COG6: variants seen among roughly 807,000 people sequenced by gnomAD.
COG6 encodes the protein component of oligomeric golgi complex 6.
Under a neutral mutation model 88.8 loss-of-function variants are expected in COG6, and 74 were observed. The ratio of observed to expected loss-of-function variants is 0.83; its 90% confidence interval spans 0.69 to 1.01. COG6 has a LOEUF of 1.01. Among genes scored for constraint, COG6 ranks in the 50% least tolerant of loss-of-function variants. The pLI, the probability that COG6 is intolerant of heterozygous loss-of-function variation, is 0.00. For missense variants in COG6, 800 were observed against 797.9 expected (o/e 1.00, Z -0.03); for synonymous variants, 286 against 278.7 (o/e 1.03, Z -0.26).
intron 10 of COG6, among the ~76,000 whole-genome samples, chr13:39,688,046 C>T (rs1307325024): frequency 6.6e-6 from 1 of 152,158 alleles, no homozygotes; most frequent in Non-Finnish European, 1.5e-5. Flanking sequence ...CATATCAAAC[C>T]TAGACTCCTC....
chr13:39,656,855 A>G (rs754181398), intron 1 of COG6: 10 of 455,984 alleles, frequency 2.2e-5, no homozygotes, highest in South Asian at 1.5e-4. Flanking sequence ...TAAGTTTCTC[A>G]TGGTTGTTAT....
At chr13:39,748,900 T>A (rs1370589217) in intron 18 of COG6, among the ~76,000 whole-genome samples, 1 of 152,182 alleles carries the variant, frequency 6.6e-6, no homozygotes, top group African/African-American at 2.4e-5. Context: ...CTTTCCTTAT[T>A]CCATCCAACT....
Position 39,751,400 on chromosome 13 carries a change from T to G in COG6, c.*307T>G, listed in dbSNP as rs1555241393. 1 of 1,276,816 alleles carries G rather than the reference T, an allele frequency of 7.8e-7. No individual in the cohort carries two copies. The highest frequency in any genetic ancestry group is 1.0e-6 in the Non-Finnish European group (1 of 986,146). The allele number at this position is 1,276,816 out of a possible 1,614,324, so 79.1% of individuals were successfully genotyped here. On this transcript the variant is annotated 3_prime_UTR_variant, in exon 19 of 19. Transcript: ENST00000455146. ...AAAGTAGTATGAAAGGTTTGAAGAA[T>G]TTTTTTTTACAAGACTAGTTCTAAA...
chr13:39,678,648 T>G (rs1876118432), intron 5 of COG6, among the ~76,000 whole-genome samples: 1 of 152,144 alleles, frequency 6.6e-6, no homozygotes, highest in Admixed American at 6.5e-5. Context: ...ACTGTAAACT[T>G]AAGCCTATCG....
intron 13 of COG6, among the ~76,000 whole-genome samples, chr13:39,718,345 G>A (rs1878650260): frequency 1.3e-5 from 2 of 152,026 alleles, no homozygotes; most frequent in Non-Finnish European, 1.5e-5. Flanking sequence ...CTGCCACTAA[G>A]ATGTAGTCTC....
At chr13:39,668,487 C>T (rs1875406302) in intron 4 of COG6, among the ~76,000 whole-genome samples, 1 of 152,102 alleles carries the variant, frequency 6.6e-6, no homozygotes, top group Admixed American at 6.5e-5. Flanking sequence ...TATAGATTCA[C>T]ATGCAGTTGT....
At chr13:39,772,197 C>T (rs1414164283) in intron 18 of COG6, among the ~76,000 whole-genome samples, 2 of 152,136 alleles carry the variant, frequency 1.3e-5, no homozygotes, top group Admixed American at 6.5e-5. Context: ...AAATGTCTTC[C>T]CTTGCTCCAG....
At position 39,719,317 on chromosome 13, in the gene COG6, C is replaced by T. The variant is rs1210137580; in HGVS notation, c.1366C>T (p.His456Tyr). ...GTTGCTGCGTGAAGTTTTAGCATCT[C>T]ACGATTCTTCAGTTGTACCATTAGA... ...LMLLREVLAS[H>Y]DSSVVPLDAR... Residue 456 changes from histidine to tyrosine, a missense_variant, in exon 14 of 19, where the codon CAC (histidine) becomes TAC (tyrosine). Physicochemically the swap from His to Tyr is moderately conservative, Grantham distance 83 (BLOSUM62 2). Coordinates refer to ENST00000455146, the MANE Select transcript of COG6 (RefSeq NM_020751.3). 6.2e-7 allele frequency: 1 copy of T among 1,612,650 alleles called. No individual in the cohort carries two copies. The highest frequency in any genetic ancestry group is 1.3e-5 in the African/African-American group (1 of 74,842).
Position 39,751,258 on chromosome 13 carries a change from A to G in COG6, c.*165A>G, listed in dbSNP as rs189077024. ...TTTTTTTTGGTCTCAGTAACAGGGA[A>G]GTAAGTAACATGTTGACCTGAGCTA... On this transcript the variant is annotated 3_prime_UTR_variant, in exon 19 of 19. Coordinates refer to ENST00000455146, the MANE Select transcript of COG6 (RefSeq NM_020751.3). 41 of 1,515,682 alleles carry G rather than the reference A, an allele frequency of 2.7e-5. No homozygotes were observed. In the African/African-American group the frequency reaches 4.3e-4, roughly 16 times the overall value. 93.9% of individuals were successfully genotyped at this position (1,515,682 alleles called of 1,614,324 possible). A position where few individuals can be genotyped will look rare whatever the true frequency, so the allele number is the denominator to read the frequency against.
chr13:39,789,455 T>C (rs1362545044), exon 19 of COG6: 1 of 152,164 alleles, frequency 6.6e-6, no homozygotes. Context: ...AAACTTCACT[T>C]CCTCATAAAG....
chr13:39,770,405 G>T (rs1421088645), intron 18 of COG6, among the ~76,000 whole-genome samples: 1 of 152,146 alleles, frequency 6.6e-6, no homozygotes, highest in East Asian at 1.9e-4. Flanking sequence ...CCTCACTGAG[G>T]TCCTCAAAGT....
intron 4 of COG6, among the ~76,000 whole-genome samples, chr13:39,674,684 T>G (rs969284554): frequency 7.9e-5 from 12 of 152,220 alleles, no homozygotes; most frequent in African/African-American, 2.9e-4. Flanking sequence ...AAGCAATTTG[T>G]AAGCTTTAAA....
At chr13:39,787,656 C>T (rs558804140) in intron 18 of COG6, among the ~76,000 whole-genome samples, 1 of 152,106 alleles carries the variant, frequency 6.6e-6, no homozygotes, top group Non-Finnish European at 1.5e-5. Context: ...CACACACACA[C>T]AATCAGTTCT....
intron 18 of COG6, among the ~76,000 whole-genome samples, chr13:39,786,119 A>G (rs112615320): frequency 1.8e-4 from 27 of 152,274 alleles, no homozygotes; most frequent in African/African-American, 6.3e-4. Flanking sequence ...AAAACTCCTC[A>G]CTGGTGGAGA....
Position 39,680,025 on chromosome 13 carries a change from G to A in COG6, c.674G>A (p.Arg225Lys). ...TTACTTCAAGAAACGGCTTATGAAAGACTTTACCGATGGGCTCAAAGTAAG... is the reference window on the plus strand; with the variant it reads ...TTACTTCAAGAAACGGCTTATGAAAAACTTTACCGATGGGCTCAAAGTAAG... ...MALLQETAYE[R>K]LYRWAQSECR... The change falls in exon 7 of 19, where the codon AGA (arginine) becomes AAA (lysine). Residue 225 changes from arginine (R) to lysine (K), a missense_variant. By Grantham distance (26) the Arg-to-Lys change is conservative. Transcript: ENST00000455146. 6.3e-7 allele frequency: 1 copy of A among 1,586,098 alleles called. No homozygotes were observed. Among genetic ancestry groups the A allele is most frequent in the Admixed American group, 1.7e-5 (1 of 59,928 alleles).
At chr13:39,682,883 G>A (rs1381350165) in intron 8 of COG6, among the ~76,000 whole-genome samples, 2 of 151,908 alleles carry the variant, frequency 1.3e-5, no homozygotes, top group Non-Finnish European at 2.9e-5. Context: ...AGTAGTATTA[G>A]CATAAGCTTT....
rs1386318656 is a variant in COG6 at position 39,694,731 on chromosome 13, T to C, written c.1166+6T>C. 7.0e-7 allele frequency: 1 copy of C among 1,426,506 alleles called. No homozygotes were observed. The highest frequency in any genetic ancestry group is 9.9e-7 in the Non-Finnish European group (1 of 1,014,592). 88.4% of individuals were successfully genotyped at this position (1,426,506 alleles called of 1,614,324 possible). A position where few individuals can be genotyped will look rare whatever the true frequency, so the allele number is the denominator to read the frequency against. On this transcript the variant is annotated splice_donor_region_variant and intron_variant, in intron 12 of 18. Coordinates refer to ENST00000455146, the MANE Select transcript of COG6 (RefSeq NM_020751.3). Reference sequence around the variant, plus strand: ...TTTTATCACCATACAATCAGGTAAGTAGAATGGCAAAATGTGCTTGCTAAA... The same window carrying C: ...TTTTATCACCATACAATCAGGTAAGCAGAATGGCAAAATGTGCTTGCTAAA...
chr13:39,743,773 T>A (rs1019152389), intron 18 of COG6, among the ~76,000 whole-genome samples: 4 of 152,160 alleles, frequency 2.6e-5, no homozygotes, highest in Non-Finnish European at 5.9e-5. Context: ...ATCATCCTGA[T>A]ACCAAAGCCT....
chr13:39,736,651 A>T (rs1329564999), intron 18 of COG6, among the ~76,000 whole-genome samples: 1 of 152,184 alleles, frequency 6.6e-6, no homozygotes, highest in Non-Finnish European at 1.5e-5. Flanking sequence ...AGATCGTGCC[A>T]TTGCACTCCA....
Sources: allele counts gnomAD v4.1 joint callset (sites outside exome capture counted in the v4.1 genomes callset), GRCh38; gene constraint gnomAD v4.1.1; transcripts MANE v1.5; gene names NCBI Gene and HGNC (gene_info 2026-07-23, HGNC 2026-07-21).